PIP4K2A: variants seen among roughly 807,000 people sequenced by gnomAD.
PIP4K2A encodes the protein phosphatidylinositol 5-phosphate 4-kinase type-2 alpha.
PIP4K2A carries 14 observed loss-of-function variants against 42.9 expected under a neutral mutation model. The ratio of observed to expected loss-of-function variants is 0.33; its 90% confidence interval spans 0.22 to 0.51. The LOEUF (loss-of-function observed/expected upper bound fraction) is 0.51, where lower values mean the gene tolerates loss of function less well. Ranked by LOEUF, PIP4K2A falls within the 20% of genes least tolerant of loss-of-function variation. The pLI, the probability that PIP4K2A is intolerant of heterozygous loss-of-function variation, is 0.97. For synonymous variants in PIP4K2A, 192 were observed against 192.2 expected, an observed-to-expected ratio of 1.00 and a Z score of 0.01; for missense variants, 434 against 519.8, an observed-to-expected ratio of 0.83 and a Z score of 1.61.
chr10:22,601,828 T>C (rs2130838113), intron 3 of PIP4K2A, among the ~76,000 whole-genome samples: 1 of 152,272 alleles, frequency 6.6e-6, no homozygotes, highest in South Asian at 2.1e-4. Context: ...AACTCCATCT[T>C]CCTTTCTATC....
intron 4 of PIP4K2A, among the ~76,000 whole-genome samples, chr10:22,584,465 GT>G (rs772610886): frequency 7.2e-5 from 11 of 152,190 alleles, no homozygotes; most frequent in Admixed American, 3.9e-4. Context: ...GGATGAGCAC[GT>G]TAAAGATGTA....
chr10:22,649,518 G>A (rs1034364675), intron 1 of PIP4K2A, among the ~76,000 whole-genome samples: 3 of 152,212 alleles, frequency 2.0e-5, no homozygotes, highest in Admixed American at 6.5e-5. Context: ...AAGGGGCCAA[G>A]ACCAGGAGAA....
At chr10:22,558,235 C>T (rs12414917) in intron 6 of PIP4K2A, among the ~76,000 whole-genome samples, 2,059 of 152,166 alleles carry the variant, frequency 0.014, 97 homozygotes, top group Admixed American at 0.086. Flanking sequence ...CCAAGCTCAC[C>T]CAAATGAAAA....
intron 1 of PIP4K2A, among the ~76,000 whole-genome samples, chr10:22,636,869 A>G (rs1225390217): frequency 6.6e-6 from 1 of 152,212 alleles, no homozygotes; most frequent in Non-Finnish European, 1.5e-5. Flanking sequence ...CACAAGCCTG[A>G]CAAGCACTGA....
At position 22,537,251 on chromosome 10, in the gene PIP4K2A, C is replaced by G; in HGVS notation, c.1171G>C (p.Glu391Gln). The change falls in exon 10 of 10, where the codon GAA (glutamate) becomes CAA (glutamine). Residue 391 changes from glutamate to glutamine, a missense_variant. Glu to Gln is a conservative substitution (Grantham distance 29, BLOSUM62 2). This residue lies in a region of PIP4K2A where 39 missense variants were observed against 75.3 expected (regional missense o/e 0.52). Transcript: ENST00000376573. ...AGAEISTVNP[E>Q]QYSKRFLDFI... ...TCCAAAAAGCGCTTTGAATACTGTT[C>G]TGGGTTCACGGTGGAGATCTCCGCG... 1 of 1,606,356 alleles carries G rather than the reference C, an allele frequency of 6.2e-7. No individual in the cohort carries two copies. The highest frequency in any genetic ancestry group is 8.5e-7 in the Non-Finnish European group (1 of 1,175,510).
intron 1 of PIP4K2A, among the ~76,000 whole-genome samples, chr10:22,639,983 T>C (rs1838744931): frequency 7.0e-6 from 1 of 142,492 alleles, no homozygotes. Flanking sequence ...AAGAATCAAA[T>C]ATCAATCCAA....
intron 6 of PIP4K2A, among the ~76,000 whole-genome samples, chr10:22,561,951 C>A (rs1231812158): frequency 1.3e-5 from 2 of 152,078 alleles, no homozygotes; most frequent in Non-Finnish European, 2.9e-5. Flanking sequence ...AATATTCTTG[C>A]AAATCATTTC....
chr10:22,645,046 T>C (rs1232796757), intron 1 of PIP4K2A, among the ~76,000 whole-genome samples: 2 of 152,216 alleles, frequency 1.3e-5, no homozygotes, highest in Non-Finnish European at 2.9e-5. Context: ...AGCAAAGAAA[T>C]ATTAAACTAT....
At chr10:22,661,349 C>CTTTT (rs374324575) in intron 1 of PIP4K2A, among the ~76,000 whole-genome samples, 55 of 99,814 alleles carry the variant, frequency 5.5e-4, no homozygotes, top group African/African-American at 8.2e-4. Context: ...ATGATGCTGC[C>CTTTT]TTTTTTTTTT....
At chr10:22,708,379 C>G (rs957542805) in intron 1 of PIP4K2A, among the ~76,000 whole-genome samples, 2 of 152,160 alleles carry the variant, frequency 1.3e-5, no homozygotes, top group African/African-American at 4.8e-5. Context: ...CGGTGGAGAT[C>G]TGACTTACCG....
At position 22,561,565 on chromosome 10, in the gene PIP4K2A, GTTTTTTT is replaced by G. The variant is rs71394001; in HGVS notation, c.678+6279_678+6285del. On this transcript the variant is annotated intron_variant, in intron 6 of 9. Coordinates refer to ENST00000376573, the MANE Select transcript of PIP4K2A (RefSeq NM_005028.5). The stretch of plus-strand genomic sequence containing the variant: ...TATGTCACCAGAGATTCTCTACGCA[GTTTTTTT>G]TTTTTTTTTTTTTTTTTTTCTGAGA... Among the ~76,000 whole-genome samples, 2 of 113,498 alleles carry G rather than the reference GTTTTTTT, an allele frequency of 1.8e-5. 1 individual carries two copies. The highest frequency in any genetic ancestry group is 5.3e-4 in the South Asian group (2 of 3,762). The allele number at this position is 113,498 out of a possible 152,430, so 74.5% of individuals were successfully genotyped here.
chr10:22,663,621 T>G (rs1257528054), intron 1 of PIP4K2A, among the ~76,000 whole-genome samples: 1 of 152,098 alleles, frequency 6.6e-6, no homozygotes, highest in African/African-American at 2.4e-5. Flanking sequence ...TAAAAATCAC[T>G]GACTATCATC....
chr10:22,713,775 C>G (rs1833958004), intron 1 of PIP4K2A, among the ~76,000 whole-genome samples: 1 of 152,062 alleles, frequency 6.6e-6, no homozygotes, highest in Admixed American at 6.5e-5. Context: ...GCCCCCACAC[C>G]GGGTAGCGGT....
chr10:22,621,820 G>C (rs16922517), intron 1 of PIP4K2A, among the ~76,000 whole-genome samples: 1 of 152,190 alleles, frequency 6.6e-6, no homozygotes, highest in African/African-American at 2.4e-5. Context: ...TGGGACCTTC[G>C]TTAAGATTCC....
At chr10:22,613,506 G>T (rs1033946901) in intron 1 of PIP4K2A, among the ~76,000 whole-genome samples, 1 of 152,170 alleles carries the variant, frequency 6.6e-6, no homozygotes, top group Non-Finnish European at 1.5e-5. Flanking sequence ...AACTGATGGA[G>T]GGAAGATGGG....
At chr10:22,682,947 C>T (rs571207414) in intron 1 of PIP4K2A, among the ~76,000 whole-genome samples, 4 of 152,170 alleles carry the variant, frequency 2.6e-5, no homozygotes, top group Non-Finnish European at 5.9e-5. Flanking sequence ...GAACAATGTG[C>T]GGTCATCTAC....
At position 22,642,733 on chromosome 10, in the gene PIP4K2A, T is replaced by G. The variant is rs542213013; in HGVS notation, c.145-33016A>C. On this transcript the variant is annotated intron_variant, in intron 1 of 9. Coordinates refer to ENST00000376573, the MANE Select transcript of PIP4K2A (RefSeq NM_005028.5). Reference sequence around the variant, plus strand: ...CTTATAGAGTTAAGACAATGACACATTCACATGAAAAGATCTAGGGCTTGG... The same window carrying G: ...CTTATAGAGTTAAGACAATGACACAGTCACATGAAAAGATCTAGGGCTTGG... 2.0e-5 allele frequency among the ~76,000 whole-genome samples: 3 copies of G among 151,942 alleles called. No individual in the cohort carries two copies. In the South Asian group the frequency reaches 6.3e-4, roughly 32 times the overall value.
intron 1 of PIP4K2A, among the ~76,000 whole-genome samples, chr10:22,629,698 C>T (rs571461888): frequency 1.2e-3 from 180 of 152,266 alleles, no homozygotes; most frequent in African/African-American, 4.3e-3. Flanking sequence ...TTAGCTAAAT[C>T]AGTTTCACTA....
chr10:22,688,216 G>C (rs1338583871), intron 1 of PIP4K2A, among the ~76,000 whole-genome samples: 1 of 152,090 alleles, frequency 6.6e-6, no homozygotes, highest in African/African-American at 2.4e-5. Context: ...TCTGAATACA[G>C]TAAGAAAGCG....
Sources: allele counts gnomAD v4.1 joint callset (sites outside exome capture counted in the v4.1 genomes callset), GRCh38; gene constraint gnomAD v4.1.1; regional missense constraint gnomAD v4.1.1; transcripts MANE v1.5; gene names NCBI Gene and HGNC (gene_info 2026-07-23, HGNC 2026-07-21).